The following RAB27A variants were observed in gnomAD, a reference collection of about 807,000 sequenced individuals.
The protein encoded by RAB27A is RAB27A, member RAS oncogene family.
In RAB27A, 17 loss-of-function variants were observed where a neutral mutation model predicts 20.8. The ratio of observed to expected loss-of-function variants is 0.82; its 90% CI spans 0.56 to 1.23. RAB27A has a LOEUF of 1.23. RAB27A is among the 50% of genes most tolerant of loss of function. RAB27A has a pLI of 0.00. For synonymous variants in RAB27A, 85 were observed against 92.8 expected (o/e 0.92, Z 0.48); for missense variants, 277 against 266.7 (o/e 1.04, Z -0.27).
chr15:55,253,614 A>G (rs1426084809), intron 2 of RAB27A, among the ~76,000 whole-genome samples: 6 of 152,164 alleles, frequency 3.9e-5, no homozygotes, highest in Admixed American at 1.3e-4. Flanking sequence ...AAGGCCATCT[A>G]TGGAAACAAA....
chr15:55,225,997 G>T (rs917347431), intron 5 of RAB27A, among the ~76,000 whole-genome samples: 6 of 152,074 alleles, frequency 3.9e-5, no homozygotes, highest in Non-Finnish European at 7.3e-5. Flanking sequence ...AATGGGGGCA[G>T]GTGTGGAAAG....
Position 55,317,668 on chromosome 15 carries a change from T to G in RAB27A, c.-234+1263A>C, listed in dbSNP as rs576980763. 9 of 398,600 alleles carry G rather than the reference T, an allele frequency of 2.3e-5. No homozygotes were observed. In the South Asian group the frequency reaches 6.4e-4, roughly 28 times the overall value. 24.7% of individuals were successfully genotyped at this position (398,600 alleles called of 1,614,324 possible). ...TTCTGATTCTTGTACCAACTGCATC[T>G]TTTCTTTTAATTCCTTCTGATCTTT... On this transcript the variant is annotated intron_variant, in intron 1 of 5. Transcript: ENST00000563262.
At chr15:55,307,273 G>C (rs1009940887) in intron 2 of RAB27A, among the ~76,000 whole-genome samples, 9 of 151,916 alleles carry the variant, frequency 5.9e-5, no homozygotes, top group Non-Finnish European at 8.8e-5. Flanking sequence ...CCATCTCTTG[G>C]TCAAGCAGAA....
At chr15:55,295,489 C>T (rs1201844294) in intron 2 of RAB27A, among the ~76,000 whole-genome samples, 1 of 152,156 alleles carries the variant, frequency 6.6e-6, no homozygotes, top group Admixed American at 6.5e-5. Context: ...GTGGCACATC[C>T]ATATAATGGG....
At chr15:55,304,797 T>C (rs1016424944) in intron 2 of RAB27A, among the ~76,000 whole-genome samples, 3 of 152,188 alleles carry the variant, frequency 2.0e-5, no homozygotes, top group African/African-American at 7.2e-5. Flanking sequence ...TTATGAATAA[T>C]GTGATGAACA....
rs113568987 is a variant in RAB27A at position 55,280,669 on chromosome 15, C to A, written c.-143+9047G>T. ...GCTATCCCTCCCCCAGTCCCCACCC[C>A]CTGAGAGGCCCCGGTGTGTGATGTT... On this transcript the variant is annotated intron_variant, in intron 1 of 6. Coordinates refer to ENST00000336787, the MANE Select transcript of RAB27A (RefSeq NM_183235.3). 7.4e-3 allele frequency among the ~76,000 whole-genome samples: 1,130 copies of A among 151,980 alleles called. 15 individuals are homozygous for A. The highest frequency in any genetic ancestry group is 0.026 in the African/African-American group (1,087 of 41,420).
intron 6 of RAB27A, among the ~76,000 whole-genome samples, chr15:55,214,296 C>T (rs1036763214): frequency 1.1e-4 from 17 of 152,170 alleles, no homozygotes; most frequent in Admixed American, 2.0e-4. Context: ...ATTAGCCAGG[C>T]ATGGTGGTGG....
rs1463211649 is a variant in RAB27A, at chr15:55,317,626, T to C, written c.-234+1305A>G. The stretch of plus-strand genomic sequence containing the variant: ...CTGCGCCAGGCCTAACTCCATGTAG[T>C]ATTAACTTTTCTTCTCTTCTGATTC... On this transcript the variant is annotated intron_variant, in intron 1 of 5. Transcript: ENST00000563262. 12 of 397,916 alleles carry C rather than the reference T, an allele frequency of 3.0e-5. No individual in the cohort carries two copies. The South Asian group carries it at 6.4e-4, about 21-fold the overall frequency. The allele number at this position is 397,916 out of a possible 1,614,324, so 24.6% of individuals were successfully genotyped here. A position where few individuals can be genotyped will look rare whatever the true frequency, so the allele number is the denominator to read the frequency against.
intron 6 of RAB27A, among the ~76,000 whole-genome samples, chr15:55,221,337 G>A (rs1895559880): frequency 6.6e-6 from 1 of 151,870 alleles, no homozygotes; most frequent in East Asian, 1.9e-4. Context: ...TAGGATCCAT[G>A]GTTTCCATTG....
chr15:55,294,830 G>T (rs535008684), intron 2 of RAB27A, among the ~76,000 whole-genome samples: 4 of 152,134 alleles, frequency 2.6e-5, no homozygotes, highest in African/African-American at 7.2e-5. Context: ...GAAAAGAGTA[G>T]ATTAATTAGA....
At chr15:55,254,320 C>A (rs1897003468) in intron 2 of RAB27A, among the ~76,000 whole-genome samples, 1 of 152,022 alleles carries the variant, frequency 6.6e-6, no homozygotes, top group Admixed American at 6.5e-5. Flanking sequence ...ATATAGCCAT[C>A]AAGCATTAAA....
At chr15:55,300,321 G>A (rs1040272492) in intron 2 of RAB27A, among the ~76,000 whole-genome samples, 9 of 152,120 alleles carry the variant, frequency 5.9e-5, no homozygotes, top group African/African-American at 2.2e-4. Flanking sequence ...CAACCAGGGT[G>A]TCTTGACCCA....
At chr15:55,209,719 A>AATATATATACAC (rs1375524800) in intron 6 of RAB27A, among the ~76,000 whole-genome samples, 2 of 148,562 alleles carry the variant, frequency 1.3e-5, no homozygotes, top group Non-Finnish European at 3.0e-5. Context: ...AACTTCCACT[A>AATATATATACAC]ATATATATAC....
At chr15:55,269,180 C>A (rs946945490) in intron 2 of RAB27A, among the ~76,000 whole-genome samples, 1 of 152,166 alleles carries the variant, frequency 6.6e-6, no homozygotes, top group African/African-American at 2.4e-5. Flanking sequence ...TTTAAAGCCA[C>A]CCAGTTTATG....
intron 2 of RAB27A, among the ~76,000 whole-genome samples, chr15:55,244,360 G>T (rs925851456): frequency 9.2e-5 from 14 of 151,878 alleles, no homozygotes; most frequent in African/African-American, 3.4e-4. Context: ...AACACATAAA[G>T]CTCAGTAGAG....
At chr15:55,208,590 G>A (rs28541469) in intron 6 of RAB27A, among the ~76,000 whole-genome samples, 40,705 of 152,006 alleles carry the variant, frequency 0.27, 7,077 homozygotes, top group African/African-American at 0.5. Flanking sequence ...TCAACACACC[G>A]AAGTTCCAAG....
At chr15:55,228,830 T>C in intron 4 of RAB27A, 118 bp from the exon 5 acceptor site, 1 of 747,610 alleles carries the variant, frequency 1.3e-6, no homozygotes, top group Non-Finnish European at 2.4e-6. Flanking sequence ...TACATGGTGA[T>C]ATTTCAAAAG....
chr15:55,239,598 G>A (rs1026043791), intron 2 of RAB27A, among the ~76,000 whole-genome samples: 1 of 152,110 alleles, frequency 6.6e-6, no homozygotes. Context: ...AGTGACACAG[G>A]CTTCCTGGGT....
At chr15:55,221,784 G>C (rs1401909940) in intron 6 of RAB27A, among the ~76,000 whole-genome samples, 1 of 152,004 alleles carries the variant, frequency 6.6e-6, no homozygotes, top group African/African-American at 2.4e-5. Flanking sequence ...TCATAAACCT[G>C]CAACTAGACC....
Sources: gnomAD v4.1 joint callset for allele counts (sites outside exome capture counted in the v4.1 genomes callset) on GRCh38, gnomAD v4.1.1 for gene constraint, MANE v1.5 for transcripts, NCBI Gene and HGNC (gene_info 2026-07-23, HGNC 2026-07-21) for gene names.